The following CYP4Z1 variants were observed in gnomAD, a reference collection of about 807,000 sequenced individuals.
CYP4Z1 encodes the protein cytochrome P450 4Z1.
Under a neutral mutation model 54.2 loss-of-function variants are expected in CYP4Z1, and 41 were observed. The observed-to-expected ratio is 0.76, with a 90% CI of 0.59 to 0.98. The LOEUF is 0.98. CYP4Z1 is among the 50% of genes least tolerant of loss of function. The pLI is 0.00. For missense variants in CYP4Z1, 513 were observed against 599.0 expected, an observed-to-expected ratio of 0.86 and a Z score of 1.50; for synonymous variants, 163 against 206.2, an observed-to-expected ratio of 0.79 and a Z score of 1.79.
At chr1:47,106,644 C>T (rs935038201) in intron 9 of CYP4Z1, among the ~76,000 whole-genome samples, 2 of 152,104 alleles carry the variant, frequency 1.3e-5, no homozygotes, top group African/African-American at 2.4e-5. Flanking sequence ...TCACGCACAC[C>T]GGCAGGGCAT....
chr1:47,057,246 C>T, the CYP4Z1 span, among the ~76,000 whole-genome samples: 2 of 147,764 alleles, frequency 1.4e-5, no homozygotes, highest in Non-Finnish European at 3.0e-5. Context: ...TGAATATTGG[C>T]CCCCACTCTC....
At chr1:47,101,365 G>A (rs1644720242) in intron 8 of CYP4Z1, among the ~76,000 whole-genome samples, 1 of 151,930 alleles carries the variant, frequency 6.6e-6, no homozygotes. Context: ...ATCTTTCTAG[G>A]TTTTTGCTGT....
At chr1:47,111,710 T>C (rs1405817680) in intron 9 of CYP4Z1, among the ~76,000 whole-genome samples, 1 of 152,208 alleles carries the variant, frequency 6.6e-6, no homozygotes, top group East Asian at 1.9e-4. Flanking sequence ...CAACATTGCT[T>C]AAAGTTGACT....
At chr1:47,073,011 A>G (rs1291749493) in intron 2 of CYP4Z1, among the ~76,000 whole-genome samples, 1 of 150,046 alleles carries the variant, frequency 6.7e-6, no homozygotes, top group African/African-American at 2.5e-5. Context: ...TCACAGTGCT[A>G]TCCACCTATC....
chr1:47,085,536 A>G (rs1304388434), intron 6 of CYP4Z1, among the ~76,000 whole-genome samples: 5 of 152,140 alleles, frequency 3.3e-5, no homozygotes, highest in Non-Finnish European at 7.4e-5. Flanking sequence ...TTTTTCTCTA[A>G]TAATGCTTCT....
intron 1 of CYP4Z1, 109 bp downstream of exon 1, chr1:47,067,776 C>T (rs1644461344): frequency 2.0e-6 from 2 of 999,076 alleles, no homozygotes; most frequent in Non-Finnish European, 2.8e-6. Context: ...TGCTTTCACA[C>T]CAATCTCATT....
upstream of CYP4Z1, among the ~76,000 whole-genome samples, chr1:47,064,328 CA>C (rs1644439164): frequency 6.6e-6 from 1 of 152,036 alleles, no homozygotes; most frequent in African/African-American, 2.4e-5. Context: ...GTGATCCACC[CA>C]CCTCAGCTTC....
intron 8 of CYP4Z1, among the ~76,000 whole-genome samples, chr1:47,105,918 CGG>C (rs10567873): frequency 0.42 from 63,252 of 150,358 alleles, 14,427 homozygotes; most frequent in East Asian, 0.96. Context: ...CCTATATCTG[CGG>C]GGGGGGGAGA....
chr1:47,098,754 G>A (rs538509987), intron 7 of CYP4Z1, among the ~76,000 whole-genome samples: 3 of 152,004 alleles, frequency 2.0e-5, no homozygotes, highest in South Asian at 2.1e-4. Context: ...GGCCACTTGC[G>A]GTCTTTCCTT....
intron 8 of CYP4Z1, among the ~76,000 whole-genome samples, chr1:47,101,144 T>C (rs1301310501): frequency 6.6e-6 from 1 of 152,178 alleles, no homozygotes; most frequent in Admixed American, 6.5e-5. Context: ...TTCTCTCTTT[T>C]TCTCTTCATT....
chr1:47,100,481 G>A (rs903462508), intron 8 of CYP4Z1, among the ~76,000 whole-genome samples: 2 of 152,276 alleles, frequency 1.3e-5, no homozygotes, highest in Non-Finnish European at 1.5e-5. Flanking sequence ...GTCCCATCCA[G>A]GATGTGAAGC....
chr1:47,105,960 AAG>A (rs1644754023), intron 8 of CYP4Z1, among the ~76,000 whole-genome samples, 166 bp from the exon 9 acceptor site: 2 of 152,160 alleles, frequency 1.3e-5, no homozygotes, highest in African/African-American at 4.8e-5. Context: ...GAAAAGTGGT[AAG>A]TGTTAACATT....
intron 9 of CYP4Z1, among the ~76,000 whole-genome samples, chr1:47,108,529 T>G (rs1487623024): frequency 6.6e-6 from 1 of 152,100 alleles, no homozygotes; most frequent in East Asian, 1.9e-4. Flanking sequence ...AACATGTTTA[T>G]GATGCCTGCT....
At chr1:47,084,581 G>A in intron 4 of CYP4Z1, 39 bp from the exon 5 acceptor site, 2 of 1,535,450 alleles carry the variant, frequency 1.3e-6, no homozygotes, top group Non-Finnish European at 1.8e-6. Flanking sequence ...TGGGAAAGAT[G>A]GGCATGTGTA....
chr1:47,056,682 CT>C, the CYP4Z1 span, among the ~76,000 whole-genome samples: 1 of 152,160 alleles, frequency 6.6e-6, no homozygotes, highest in Non-Finnish European at 1.5e-5. Context: ...TAATGGCCTT[CT>C]TTGTCTCTTT....
chr1:47,064,843 G>A (rs1291634801), upstream of CYP4Z1, among the ~76,000 whole-genome samples: 1 of 152,166 alleles, frequency 6.6e-6, no homozygotes, highest in African/African-American at 2.4e-5. Context: ...CTTAAGGTAA[G>A]TGGAAAAAGA....
rs200543514 is a variant in CYP4Z1 at position 47,068,642 on chromosome 1, T to C, written c.198T>C (p.Phe66=). The part of the protein sequence containing the change: ...GHKEFYPVKE[F]EVYHKLMEKY... ...GACAGTTTTACCCAGTAAAGGAGTT[T>C]GAGGTGTATCATAAGCTGATGGAAA... Residue 66 remains phenylalanine, a synonymous_variant, in exon 2 of 12, where the codon TTT becomes TTC. Transcript: ENST00000334194. 1.2e-6 allele frequency: 2 copies of C among 1,613,868 alleles called. No individual in the cohort carries two copies. Among genetic ancestry groups the C allele is most frequent in the South Asian group, 2.2e-5 (2 of 91,080 alleles).
At chr1:47,060,853 ACT>A in the CYP4Z1 span, among the ~76,000 whole-genome samples, 2 of 152,172 alleles carry the variant, frequency 1.3e-5, no homozygotes, top group African/African-American at 4.8e-5. Flanking sequence ...TACCAAACAC[ACT>A]GTCAGAGCAC....
At chr1:47,065,504 T>C (rs1215854864), upstream of CYP4Z1, among the ~76,000 whole-genome samples, 2 of 152,060 alleles carry the variant, frequency 1.3e-5, no homozygotes, top group Non-Finnish European at 1.5e-5. Flanking sequence ...TGACACAACC[T>C]ATCAAAAACC....
Sources: allele counts gnomAD v4.1 joint callset (sites outside exome capture counted in the v4.1 genomes callset), GRCh38; gene constraint gnomAD v4.1.1; transcripts MANE v1.5; gene names NCBI Gene and HGNC (gene_info 2026-07-23, HGNC 2026-07-21).